The following ZBED6 variants were observed in gnomAD, a reference collection of about 807,000 sequenced individuals.
ZBED6 encodes the protein zinc finger BED-type containing 6, also known as zinc finger BED domain-containing protein 6.
Under a neutral mutation model 58.4 loss-of-function variants are expected in ZBED6, and 40 were observed. That is an observed-to-expected ratio of 0.68 (90% CI 0.53 to 0.89). ZBED6 has a LOEUF of 0.89. Ranked by LOEUF, ZBED6 falls within the 40% of genes least tolerant of loss-of-function variation. ZBED6 has a pLI of 0.00. For missense variants in ZBED6, 1,057 were observed against 1,003.9 expected (o/e 1.05, Z -0.71); for synonymous variants, 439 against 350.6 (o/e 1.25, Z -2.82).
chr1:203,851,555 C>T (rs1487178063), intron 16 of ZBED6, among the ~76,000 whole-genome samples: 3 of 152,142 alleles, frequency 2.0e-5, no homozygotes, highest in Admixed American at 6.5e-5. Context: ...GTCTCAAACT[C>T]CTGACGTCAA....
intron 6 of ZBED6, 33 bp from the exon 7 acceptor site, chr1:203,830,090 C>T (rs771639603): frequency 9.2e-6 from 14 of 1,527,506 alleles, no homozygotes; most frequent in East Asian, 6.7e-5. Context: ...AAAAGGCTCC[C>T]GTTCCTCATA....
Position 203,824,274 on chromosome 1 carries a change from T to TAA in ZBED6, c.*2874-4010_*2874-4009dup, listed in dbSNP as rs5780199. On this transcript the variant is annotated intron_variant, in intron 3 of 16. Coordinates refer to ENST00000550078, the Ensembl canonical transcript of ZBED6. Reference sequence around the variant, plus strand: ...CACAGTAAGACTCCCATCTCAAAATTAAAAAAAAAAAAAAAAGAGGGAAAA... The same window carrying TAA: ...CACAGTAAGACTCCCATCTCAAAATTAAAAAAAAAAAAAAAAAAGAGGGAAAA... 5.6e-3 allele frequency among the ~76,000 whole-genome samples: 784 copies of TAA among 139,974 alleles called. 6 individuals are homozygous for TAA. Among genetic ancestry groups the TAA allele is most frequent in the Middle Eastern group, 0.034 (9 of 264 alleles). The allele number at this position is 139,974 out of a possible 152,430, so 91.8% of individuals were successfully genotyped here.
intron 3 of ZBED6, among the ~76,000 whole-genome samples, chr1:203,819,212 TTTTC>T (rs200717658): frequency 0.099 from 14,748 of 149,364 alleles, 1,009 homozygotes; most frequent in Non-Finnish European, 0.14. Flanking sequence ...TGCAATTTTT[TTTTC>T]TTTCTTTTTA....
chr1:203,797,251 T>C (rs1023940621), exon 1 of ZBED6: 21 of 237,046 alleles, frequency 8.9e-5, no homozygotes, highest in Admixed American at 5.2e-5. Flanking sequence ...TTCTTACTTC[T>C]GTAACATGAG....
chr1:203,834,504 T>C (rs1683565609), intron 9 of ZBED6, among the ~76,000 whole-genome samples: 1 of 152,168 alleles, frequency 6.6e-6, no homozygotes, highest in South Asian at 2.1e-4. Flanking sequence ...ACTCCTGGGC[T>C]CAAGTGATCT....
chr1:203,796,069 T>A (rs1172676015), exon 1 of ZBED6: 1 of 128,192 alleles, frequency 7.8e-6, no homozygotes, highest in East Asian at 2.3e-4. Context: ...GCCTGCTCCT[T>A]TCCCAGCCAA....
chr1:203,812,834 G>A (rs1477291233), intron 1 of ZBED6, among the ~76,000 whole-genome samples: 3 of 151,888 alleles, frequency 2.0e-5, no homozygotes, highest in African/African-American at 4.8e-5. Flanking sequence ...CACCTGCCTC[G>A]GCCTCCCAAA....
At chr1:203,801,918 T>G (rs915550881) in exon 1 of ZBED6, 1 of 152,602 alleles carries the variant, frequency 6.6e-6, no homozygotes, top group East Asian at 1.9e-4. Context: ...AAATGTATAC[T>G]TACAAAGTCT....
At chr1:203,840,005 T>C (rs1296125834) in intron 10 of ZBED6, among the ~76,000 whole-genome samples, 1 of 152,074 alleles carries the variant, frequency 6.6e-6, no homozygotes, top group African/African-American at 2.4e-5. Context: ...GGTTTCACCA[T>C]GTTGGCCAGG....
chr1:203,805,052 C>A (rs1671818807), intron 1 of ZBED6, among the ~76,000 whole-genome samples: 1 of 151,612 alleles, frequency 6.6e-6, no homozygotes. Context: ...ATGTCCTATT[C>A]ATCAAATATC....
exon 1 of ZBED6, chr1:203,798,821 T>C (rs532518731): frequency 6.5e-7 from 1 of 1,536,158 alleles, no homozygotes; most frequent in Admixed American, 2.0e-5. Flanking sequence ...CCCCAGCCTT[T>C]CAGAGGTTCA....
At chr1:203,837,983 C>T (rs1304060536) in exon 10 of ZBED6, 6 of 1,613,890 alleles carry the variant, frequency 3.7e-6, no homozygotes, top group African/African-American at 1.3e-5. Flanking sequence ...CAGTGATCCT[C>T]CATTAAAGCG....
chr1:203,829,842 C>A lies in ZBED6; in HGVS notation c.*3264C>A, dbSNP rs200557789. The A allele has an allele frequency of 7.3e-5, 118 of 1,614,008 alleles. No homozygotes were observed. The highest frequency in any genetic ancestry group is 9.6e-5 in the Non-Finnish European group (113 of 1,180,020). On this transcript the variant is annotated 3_prime_UTR_variant, in exon 6 of 17. Coordinates refer to ENST00000550078, the Ensembl canonical transcript of ZBED6. Reference sequence around the variant, plus strand: ...TACCCTGCAACCAACTCCTGAAGTTCACAATGGATTACGAGTGACTTCTGT... The same window carrying A: ...TACCCTGCAACCAACTCCTGAAGTTAACAATGGATTACGAGTGACTTCTGT...
At chr1:203,802,133 C>G (rs187333088) in exon 1 of ZBED6, 65 of 152,676 alleles carry the variant, frequency 4.3e-4, no homozygotes, top group Non-Finnish European at 4.4e-5. Context: ...GCTTGCTGCA[C>G]CACTCTGTAG....
chr1:203,849,919 G>A (rs769860082), exon 14 of ZBED6: 10 of 1,613,928 alleles, frequency 6.2e-6, no homozygotes, highest in Admixed American at 1.7e-5. Flanking sequence ...CTGACCAAGC[G>A]GCTTCCCACA....
At chr1:203,850,918 A>T in intron 15 of ZBED6, 139 bp from the exon 16 acceptor site, 1 of 1,222,180 alleles carries the variant, frequency 8.2e-7, no homozygotes, top group South Asian at 1.4e-5. Flanking sequence ...TTATATACTC[A>T]ACCTTTAGAT....
At chr1:203,830,929 T>TA (rs1170842803) in intron 7 of ZBED6, among the ~76,000 whole-genome samples, 7 of 74,172 alleles carry the variant, frequency 9.4e-5, no homozygotes, top group African/African-American at 5.0e-4. Flanking sequence ...CCCCCAATTT[T>TA]TTTTTTTTTT....
intron 9 of ZBED6, among the ~76,000 whole-genome samples, chr1:203,836,294 G>A (rs796833672): frequency 3.0e-4 from 45 of 152,234 alleles, no homozygotes; most frequent in African/African-American, 1.1e-3. Flanking sequence ...CTTTGTGATG[G>A]TTTTATATTT....
intron 2 of ZBED6, among the ~76,000 whole-genome samples, chr1:203,817,661 A>G (rs563695189): frequency 1.3e-5 from 2 of 152,088 alleles, no homozygotes; most frequent in East Asian, 3.9e-4. Context: ...TTGCAGCTCT[A>G]TTTACATATA....
Sources: gnomAD v4.1 joint callset for allele counts (sites outside exome capture counted in the v4.1 genomes callset) on GRCh38, gnomAD v4.1.1 for gene constraint, MANE v1.5 for transcripts, NCBI Gene and HGNC (gene_info 2026-07-23, HGNC 2026-07-21) for gene names.